MYO18A: variants seen among roughly 807,000 people sequenced by gnomAD.
MYO18A encodes the protein unconventional myosin-XVIIIa.
A neutral mutation model predicts 235.8 loss-of-function variants in MYO18A; 78 were observed. The observed-to-expected ratio is 0.33, with a 90% CI of 0.28 to 0.40. MYO18A has a LOEUF of 0.40. Ranked by LOEUF, MYO18A falls within the 10% of genes least tolerant of loss-of-function variation. The probability of loss-of-function intolerance (pLI) is 1.00; values close to 1 mark genes in which losing one functional copy is unlikely to be tolerated. For synonymous variants in MYO18A, 977 were observed against 1,077.8 expected (o/e 0.91, Z 1.83); for missense variants, 2,215 against 2,699.3 (o/e 0.82, Z 3.98).
intron 17 of MYO18A, 61 bp from the exon 18 acceptor site, chr17:29,110,683 GCTC>G: frequency 6.6e-7 from 1 of 1,516,860 alleles, no homozygotes; most frequent in South Asian, 1.3e-5. Context: ...GGGAAAGGCC[GCTC>G]CTCCCCCAAG....
In MYO18A at chr17:29,122,167, C is replaced by T; in HGVS notation, c.1086G>A (p.Leu362=). Residue 362 remains leucine (L), a splice_region_variant and synonymous_variant, in exon 3 of 42, where the codon CTG becomes CTA. Coordinates refer to ENST00000527372, the MANE Select transcript of MYO18A (RefSeq NM_078471.4). ...GCCCCCAGACCCTCTGAGACTCACCCAGTGAGAAGCCGTCCCTATGGACCA... is the reference window on the plus strand; with the variant it reads ...GCCCCCAGACCCTCTGAGACTCACCTAGTGAGAAGCCGTCCCTATGGACCA... ...VWLVHRDGFS[L]ASQLKSEELN... 6.2e-7 allele frequency: 1 copy of T among 1,611,888 alleles called. No individual in the cohort carries two copies. The highest frequency in any genetic ancestry group is 1.7e-5 in the Admixed American group (1 of 59,752).
Position 29,137,381 on chromosome 17 carries a change from C to T in MYO18A, c.1000-15128G>A, listed in dbSNP as rs572074809. Reference sequence around the variant, plus strand: ...AGAACAACACTTGCCCATTCTGATTCCCAGGGACATGGTACAAACAAGGGA... The same window carrying T: ...AGAACAACACTTGCCCATTCTGATTTCCAGGGACATGGTACAAACAAGGGA... On this transcript the variant is annotated intron_variant, in intron 2 of 41. Coordinates refer to ENST00000527372, the MANE Select transcript of MYO18A (RefSeq NM_078471.4). 8.5e-5 allele frequency among the ~76,000 whole-genome samples: 13 copies of T among 152,318 alleles called. No homozygotes were observed. The East Asian group carries it at 2.5e-3, about 29-fold the overall frequency.
intron 40 of MYO18A, among the ~76,000 whole-genome samples, chr17:29,082,724 G>A (rs1320994129): frequency 6.6e-6 from 1 of 152,034 alleles, no homozygotes; most frequent in Non-Finnish European, 1.5e-5. Flanking sequence ...CCAATCAAGG[G>A]AGAATGACTT....
Position 29,106,321 on chromosome 17 carries a change from G to A in MYO18A, c.3441+759C>T, listed in dbSNP as rs529983452. Reference sequence around the variant, plus strand: ...CCAAAGGATGGAGGGAAGTTCTTCCGAGCCCCCTCCATGAATTCAGGTCTT... The same window carrying A: ...CCAAAGGATGGAGGGAAGTTCTTCCAAGCCCCCTCCATGAATTCAGGTCTT... On this transcript the variant is annotated intron_variant, in intron 20 of 41. Coordinates refer to ENST00000527372, the MANE Select transcript of MYO18A (RefSeq NM_078471.4). This position sits in a 1 kb window ranked among gnomAD's most constrained non-coding sequence, Gnocchi z 4.6. 1.1e-4 allele frequency among the ~76,000 whole-genome samples: 17 copies of A among 152,226 alleles called. No individual in the cohort carries two copies. Among genetic ancestry groups the A allele is most frequent in the Admixed American group, 6.5e-4 (10 of 15,304 alleles).
chr17:29,092,390 C>A lies in MYO18A; in HGVS notation c.5140G>T (p.Glu1714Ter), dbSNP rs763255566. Residue 1714 changes from glutamate to a stop codon, truncating the protein, a stop_gained, in exon 34 of 42, where the codon GAA becomes TAA. Coordinates refer to ENST00000527372, the MANE Select transcript of MYO18A (RefSeq NM_078471.4). LOFTEE classifies it high-confidence loss of function. ...KARKAMEVEI[E>*]DLHLQIDDIA... ...TCATCAATCTGCAGGTGCAGGTCTT[C>A]GATCTCCACCTCCATTGCTTTCCGT... 6 of 1,612,244 alleles carry A rather than the reference C, an allele frequency of 3.7e-6. No individual in the cohort carries two copies. Among genetic ancestry groups the A allele is most frequent in the African/African-American group, 2.7e-5 (2 of 74,896 alleles).
chr17:29,143,040 G>A (rs944558852), intron 2 of MYO18A, among the ~76,000 whole-genome samples: 2 of 152,224 alleles, frequency 1.3e-5, no homozygotes, highest in East Asian at 1.9e-4. Flanking sequence ...ACTCCTGACC[G>A]CAAGTGATCT....
At chr17:29,129,527 A>G (rs937636509) in intron 2 of MYO18A, among the ~76,000 whole-genome samples, 1 of 152,160 alleles carries the variant, frequency 6.6e-6, no homozygotes, top group African/African-American at 2.4e-5. Context: ...AGCCAGCTCC[A>G]TTGCCTGGGG....
chr17:29,087,182 G>T (rs2066276728), intron 37 of MYO18A, 61 bp from the exon 38 acceptor site: 1 of 1,538,006 alleles, frequency 6.5e-7, no homozygotes, highest in Non-Finnish European at 8.8e-7. Context: ...GGCAGAGGGA[G>T]GGTGTGGCAG....
intron 2 of MYO18A, among the ~76,000 whole-genome samples, chr17:29,163,815 G>T (rs1266684161): frequency 6.6e-6 from 1 of 152,242 alleles, no homozygotes; most frequent in African/African-American, 2.4e-5. Flanking sequence ...CATTCTTTAA[G>T]AAGAAAATTC....
intron 1 of MYO18A, chr17:29,176,498 C>T (rs2068531820): frequency 6.6e-6 from 1 of 152,020 alleles, no homozygotes; most frequent in African/African-American, 2.4e-5. Flanking sequence ...CCCCCACCCC[C>T]AGACCACACT....
At chr17:29,104,034 G>A (rs1370502796) in intron 20 of MYO18A, among the ~76,000 whole-genome samples, 1 of 152,210 alleles carries the variant, frequency 6.6e-6, no homozygotes, top group Non-Finnish European at 1.5e-5. Flanking sequence ...GCAAAGGCCT[G>A]GGAGCACAAG....
Position 29,118,582 on chromosome 17 carries a change from A to G in MYO18A, c.1830-142T>C, listed in dbSNP as rs2067128317. 2.8e-6 allele frequency: 2 copies of G among 725,748 alleles called. No homozygotes were observed. The highest frequency in any genetic ancestry group is 5.5e-5 in the East Asian group (2 of 36,376). The allele number at this position is 725,748 out of a possible 1,614,324, so 45.0% of individuals were successfully genotyped here. A position where few individuals can be genotyped will look rare whatever the true frequency, so the allele number is the denominator to read the frequency against. ...TCCCATCATCCCCAACTGGCGGGCC[A>G]GCTGTCACTGCTTTCCTAACTGGCC... On this transcript the variant is annotated intron_variant, in intron 8 of 41. Transcript: ENST00000527372. This position sits in a 1 kb window ranked among gnomAD's most constrained non-coding sequence, Gnocchi z 4.2.
intron 2 of MYO18A, among the ~76,000 whole-genome samples, chr17:29,136,246 AAAAAATATAT>A (rs1426341845): frequency 1.0e-4 from 7 of 69,738 alleles, no homozygotes; most frequent in Admixed American, 1.5e-4. Context: ...AAAAAAAAAA[AAAAAATATAT>A]ATATATATAT....
intron 10 of MYO18A, among the ~76,000 whole-genome samples, 158 bp from the exon 11 acceptor site, chr17:29,116,613 G>GCGCACACACACACACA (rs1555532996): frequency 2.6e-4 from 37 of 144,928 alleles, no homozygotes; most frequent in African/African-American, 4.7e-4. Context: ...TGGGACAAAC[G>GCGCACACACACACACA]CACACACACA....
chr17:29,093,908 A>G, intron 31 of MYO18A, 72 bp downstream of exon 31: 1 of 1,132,016 alleles, frequency 8.8e-7, no homozygotes, highest in Admixed American at 2.1e-5. Context: ...AGGGAGGTGG[A>G]AAGCCCCTTA....
At position 29,167,023 on chromosome 17, in the gene MYO18A, T is replaced by C. The variant is rs1333979121; in HGVS notation, c.-81-2A>G. ...GGGCCTTGGTGCCCCACTTTGCTGCTGCAAACAGAAACACACAGAGAGAAA... is the reference window on the plus strand; with the variant it reads ...GGGCCTTGGTGCCCCACTTTGCTGCCGCAAACAGAAACACACAGAGAGAAA... On this transcript the variant is annotated splice_acceptor_variant, in intron 1 of 41. Transcript: ENST00000527372. LOFTEE classifies it low-confidence loss of function (5UTR_SPLICE). 1 of 1,448,116 alleles carries C rather than the reference T, an allele frequency of 6.9e-7. No individual in the cohort carries two copies. The highest frequency in any genetic ancestry group is 2.5e-5 in the East Asian group (1 of 39,966). The allele number at this position is 1,448,116 out of a possible 1,614,324, so 89.7% of individuals were successfully genotyped here.
At chr17:29,171,645 A>C (rs925902811) in intron 1 of MYO18A, among the ~76,000 whole-genome samples, 3 of 152,120 alleles carry the variant, frequency 2.0e-5, no homozygotes, top group Admixed American at 6.6e-5. Context: ...CTATAATCCC[A>C]ACACTTTGGG....
chr17:29,094,130 C>A, intron 30 of MYO18A, 40 bp from the exon 31 acceptor site: 1 of 1,463,340 alleles, frequency 6.8e-7, no homozygotes, highest in Admixed American at 1.9e-5. Flanking sequence ...CCCTCCCCAG[C>A]TGTGGCCACC....
At position 29,122,185 on chromosome 17, in the gene MYO18A, A is replaced by G; in HGVS notation, c.1068T>C (p.His356=). ...ACTCACCCAGTGAGAAGCCGTCCCTATGGACCAGCCACACCTTCTCCGTCT... is the reference window on the plus strand; with the variant it reads ...ACTCACCCAGTGAGAAGCCGTCCCTGTGGACCAGCCACACCTTCTCCGTCT... ...WNETEKVWLV[H]RDGFSLASQL... The change falls in exon 3 of 42, where the codon CAT becomes CAC. Residue 356 remains histidine, a synonymous_variant. Transcript: ENST00000527372. 6.2e-7 allele frequency: 1 copy of G among 1,612,910 alleles called. No individual in the cohort carries two copies. Among genetic ancestry groups the G allele is most frequent in the African/African-American group, 1.3e-5 (1 of 75,030 alleles).
Sources: gnomAD v4.1 joint callset for allele counts (sites outside exome capture counted in the v4.1 genomes callset) on GRCh38, gnomAD v4.1.1 for gene constraint, Gnocchi (gnomAD v3.1) non-coding constraint, MANE v1.5 for transcripts, NCBI Gene and HGNC (gene_info 2026-07-23, HGNC 2026-07-21) for gene names.